The following TNS2 variants were observed in gnomAD, a reference collection of about 807,000 sequenced individuals.
The protein encoded by TNS2 is tensin-2.
In TNS2, 77 loss-of-function variants were observed where a neutral mutation model predicts 155.7. The observed-to-expected ratio is 0.49, with a 90% confidence interval of 0.41 to 0.60. The LOEUF is 0.60. Among genes scored for constraint, TNS2 ranks in the 20% least tolerant of loss-of-function variants. The pLI is 0.00. For missense variants in TNS2, 1,703 were observed against 1,868.8 expected, an observed-to-expected ratio of 0.91 and a Z score of 1.64; for synonymous variants, 726 against 763.9, an observed-to-expected ratio of 0.95 and a Z score of 0.82.
chr12:53,057,858 T>C (rs200648368), intron 13 of TNS2, 25 bp downstream of exon 13: 61 of 1,613,540 alleles, frequency 3.8e-5, no homozygotes, highest in Non-Finnish European at 5.2e-5. Flanking sequence ...CCCAGGCCCC[T>C]GACACTTCAT....
chr12:53,062,073 T>C (rs1944400632), intron 22 of TNS2, 80 bp from the exon 23 acceptor site: 1 of 1,611,058 alleles, frequency 6.2e-7, no homozygotes. Context: ...AGACCTCAGC[T>C]GCTCGGGAAA....
chr12:53,060,935 C>T lies in TNS2; in HGVS notation c.3029C>T (p.Pro1010Leu), dbSNP rs1396501256. 7 of 1,598,764 alleles carry T rather than the reference C, an allele frequency of 4.4e-6. No individual in the cohort carries two copies. In the African/African-American group the frequency reaches 9.4e-5, roughly 21 times the overall value. The change falls in exon 20 of 29, where the codon CCT (proline) becomes CTT (leucine). Residue 1010 changes from proline (P) to leucine (L), a missense_variant. Coordinates refer to ENST00000314250, the MANE Select transcript of TNS2 (RefSeq NM_170754.4). This position sits in a 1 kb window ranked among gnomAD's most constrained non-coding sequence, Gnocchi z 6.1. ...CGGAGCCCTGTGCCCACCACACTTC[C>T]TGGCCTCCGCCACGCCCCCTGGCAA... is the stretch of plus-strand genomic sequence containing the variant. ...SPRSPVPTTLPGLRHAPWQGP... is the reference protein window; with the variant it reads ...SPRSPVPTTLLGLRHAPWQGP...
upstream of TNS2, chr12:53,049,349 C>G (rs892575254): frequency 4.0e-6 from 4 of 1,001,534 alleles, no homozygotes; most frequent in African/African-American, 6.6e-5. Flanking sequence ...TCTGTGAGAT[C>G]ATGTCTGAAA....
rs1021445383 is a variant in TNS2 at position 53,062,458 on chromosome 12, GTGTC to G, written c.3745+8_3745+11del. The G allele has an allele frequency of 2.5e-6, 4 of 1,613,648 alleles. No individual in the cohort carries two copies. Among genetic ancestry groups the G allele is most frequent in the Admixed American group, 1.7e-5 (1 of 60,012 alleles). ...GCCTGCGCATTCCCAGCAAAGGTGA[GTGTC>G]TGGTCATCTGTCCTCCCCACCTCTC... is the stretch of plus-strand genomic sequence containing the variant. On this transcript the variant is annotated splice_donor_region_variant and intron_variant, in intron 24 of 28. Transcript: ENST00000314250.
At position 53,055,997 on chromosome 12, in the gene TNS2, C is replaced by T. The variant is rs12310460; in HGVS notation, c.761+152C>T. On this transcript the variant is annotated intron_variant, in intron 10 of 28. Coordinates refer to ENST00000314250, the MANE Select transcript of TNS2 (RefSeq NM_170754.4). ...CACCTCCCTTTTATCACTAGTACTG[C>T]AACATAGTCTGCAGCAGATGGTCTG... 2.9e-4 allele frequency: 217 copies of T among 740,374 alleles called. 1 individual carries two copies. The African/African-American group carries it at 3.3e-3, about 11-fold the overall frequency. 45.9% of individuals were successfully genotyped at this position (740,374 alleles called of 1,614,324 possible). A position where few individuals can be genotyped will look rare whatever the true frequency, so the allele number is the denominator to read the frequency against.
At chr12:53,049,108 A>C, upstream of TNS2, 1 of 1,466,256 alleles carries the variant, frequency 6.8e-7, no homozygotes, top group Non-Finnish European at 9.2e-7. Flanking sequence ...CAGGACGGGA[A>C]GTTGGCCATG....
chr12:53,059,392 A>G lies in TNS2; in HGVS notation c.1751A>G (p.His584Arg). 1 of 1,468,212 alleles carries G rather than the reference A, an allele frequency of 6.8e-7. No homozygotes were observed. 90.9% of individuals were successfully genotyped at this position (1,468,212 alleles called of 1,614,324 possible). The change falls in exon 18 of 29, where the codon CAT becomes CGT. Residue 584 changes from histidine (H) to arginine (R), a missense_variant. By Grantham distance (29) the His-to-Arg change is conservative (BLOSUM62 0). Transcript: ENST00000314250. The surrounding 1 kb of genome is among the most constrained non-coding windows in gnomAD (Gnocchi z 4.7). ...CCCCACCTCGGAGTGTATCCAGGCC[A>G]TAGGCCTGGCCTCAGCCGCCACTGC... The part of the protein sequence containing the change: ...GGPHLGVYPG[H>R]RPGLSRHCSC...
At chr12:53,053,700 G>A in intron 4 of TNS2, 74 bp from the exon 5 acceptor site, 1 of 1,583,258 alleles carries the variant, frequency 6.3e-7, no homozygotes, top group Non-Finnish European at 8.6e-7. Flanking sequence ...CCCTTCCCCT[G>A]TCCCCAAGGC....
intron 2 of TNS2, 86 bp downstream of exon 2, chr12:53,052,049 C>T: frequency 8.8e-7 from 1 of 1,135,194 alleles, no homozygotes; most frequent in Non-Finnish European, 1.3e-6. Context: ...CACACAATCT[C>T]AAATGTAATA....
At chr12:53,055,904 C>T in intron 10 of TNS2, 59 bp downstream of exon 10, 1 of 1,552,548 alleles carries the variant, frequency 6.4e-7, no homozygotes, top group South Asian at 1.2e-5. Context: ...CAGCTGGCCC[C>T]TTAGGAACCC....
At position 53,057,093 on chromosome 12, in the gene TNS2, G is replaced by A. The variant is rs776739661; in HGVS notation, c.842G>A (p.Arg281His). Reference protein sequence around the residue: ...KVATELQPSQRRYISYFSGLL... With the variant: ...KVATELQPSQHRYISYFSGLL... ...GCCACAGAACTGCAGCCCTCCCAGC[G>A]TCGGTGAGCAGCCTGGGTGGGGATG... The change falls in exon 11 of 29, where the codon CGT becomes CAT. Residue 281 changes from arginine (R) to histidine (H), a missense_variant. Physicochemically the swap from Arg to His is conservative, Grantham distance 29. Transcript: ENST00000314250. 8 of 1,612,072 alleles carry A rather than the reference G, an allele frequency of 5.0e-6. No homozygotes were observed. The African/African-American group carries it at 5.3e-5, about 11-fold the overall frequency.
intron 25 of TNS2, 97 bp downstream of exon 25, chr12:53,062,794 A>G: frequency 7.0e-7 from 1 of 1,432,306 alleles, no homozygotes; most frequent in Non-Finnish European, 9.6e-7. Flanking sequence ...GAGGTGGGTG[A>G]GCCCTGGCCA....
Position 53,062,210 on chromosome 12 carries a change from T to A in TNS2, c.3632T>A (p.Val1211Glu). ...HFLIETGPKG[V>E]KIKGCPSEPY... The stretch of plus-strand genomic sequence containing the variant: ...CTCATCGAGACTGGGCCCAAAGGGG[T>A]GAAGATCAAGGGCTGCCCCAGTGAG... Residue 1211 changes from valine to glutamate, a missense_variant, in exon 23 of 29, where the codon GTG becomes GAG. By Grantham distance (121) the Val-to-Glu change is moderately radical (BLOSUM62 -2). Coordinates refer to ENST00000314250, the MANE Select transcript of TNS2 (RefSeq NM_170754.4). The A allele has an allele frequency of 6.2e-7, 1 of 1,613,532 alleles. No individual in the cohort carries two copies. The highest frequency in any genetic ancestry group is 8.5e-7 in the Non-Finnish European group (1 of 1,179,890).
At chr12:53,049,189 A>T, upstream of TNS2, 1 of 1,598,348 alleles carries the variant, frequency 6.3e-7, no homozygotes, top group South Asian at 1.1e-5. Flanking sequence ...CCTCCTGTCC[A>T]GTCCTCAGGC....
At chr12:53,055,039 C>A in intron 7 of TNS2, 147 bp from the exon 8 acceptor site, 1 of 832,170 alleles carries the variant, frequency 1.2e-6, no homozygotes, top group Non-Finnish European at 1.9e-6. Context: ...CCGCCTTGGT[C>A]TCCCAAAGTG....
Position 53,054,118 on chromosome 12 carries a change from C to T in TNS2, c.350+104C>T. The stretch of plus-strand genomic sequence containing the variant: ...AACAGAGCTCCCCGGGACAGCCCCC[C>T]ACCCCCAAAGCGGTATTCTCCCTCC... On this transcript the variant is annotated intron_variant, in intron 6 of 28. Coordinates refer to ENST00000314250, the MANE Select transcript of TNS2 (RefSeq NM_170754.4). The T allele has an allele frequency of 4.4e-6, 7 of 1,574,784 alleles. No individual in the cohort carries two copies. In the South Asian group the frequency reaches 6.7e-5, roughly 15 times the overall value.
chr12:53,055,670 G>A lies in TNS2; in HGVS notation c.676G>A (p.Val226Met), dbSNP rs149639281. 2.7e-5 allele frequency: 44 copies of A among 1,614,040 alleles called. No homozygotes were observed. The highest frequency in any genetic ancestry group is 8.0e-5 in the African/African-American group (6 of 74,928). The change falls in exon 9 of 29, where the codon GTG (valine) becomes ATG (methionine). Residue 226 changes from valine to methionine, a missense_variant. Physicochemically the swap from Val to Met is conservative, Grantham distance 21. Coordinates refer to ENST00000314250, the MANE Select transcript of TNS2 (RefSeq NM_170754.4). Reference protein sequence around the residue: ...ETWLSADPQHVVVLYCKGNKG... With the variant: ...ETWLSADPQHMVVLYCKGNKG... ...ATGGCTCAGTGCTGACCCACAGCACGTGGTCGTACTATACTGCAAGGTGGG... is the reference window on the plus strand; with the variant it reads ...ATGGCTCAGTGCTGACCCACAGCACATGGTCGTACTATACTGCAAGGTGGG...
At chr12:53,056,012 C>A in intron 10 of TNS2, 167 bp downstream of exon 10, 1 of 690,128 alleles carries the variant, frequency 1.4e-6, no homozygotes, top group Non-Finnish European at 2.4e-6. Context: ...TAGTCTGCAG[C>A]AGATGGTCTG....
chr12:53,052,348 T>C, intron 2 of TNS2, 107 bp from the exon 3 acceptor site: 2 of 1,435,356 alleles, frequency 1.4e-6, no homozygotes, highest in Non-Finnish European at 1.9e-6. Flanking sequence ...GGTGGGATCT[T>C]GGAAGTCCCA....
Sources: allele counts gnomAD v4.1 joint callset, GRCh38; gene constraint gnomAD v4.1.1; non-coding constraint Gnocchi (gnomAD v3.1); transcripts MANE v1.5; gene names NCBI Gene and HGNC (gene_info 2026-07-23, HGNC 2026-07-21).